MGAT4C: variants seen among roughly 807,000 people sequenced by gnomAD.
MGAT4C encodes alpha-1,3-mannosyl-glycoprotein 4-beta-N-acetylglucosaminyltransferase C.
Under a neutral mutation model 40.1 loss-of-function variants are expected in MGAT4C, and 19 were observed. The ratio of observed to expected loss-of-function variants is 0.47; its 90% CI spans 0.33 to 0.70. The LOEUF (loss-of-function observed/expected upper bound fraction) is 0.70, where lower values mean the gene tolerates loss of function less well. MGAT4C is among the 30% of genes least tolerant of loss of function. MGAT4C has a pLI of 0.02. For synonymous variants in MGAT4C, 181 were observed against 187.1 expected (o/e 0.97, Z 0.27); for missense variants, 491 against 563.2 (o/e 0.87, Z 1.30).
intron 1 of MGAT4C, among the ~76,000 whole-genome samples, chr12:86,063,914 C>A (rs903444194): frequency 6.6e-6 from 1 of 152,146 alleles, no homozygotes; most frequent in African/African-American, 2.4e-5. Flanking sequence ...TTCTTAGAGA[C>A]CTACAAAGAG....
At chr12:86,389,039 T>C (rs1956116760) in intron 3 of MGAT4C, among the ~76,000 whole-genome samples, 1 of 152,100 alleles carries the variant, frequency 6.6e-6, no homozygotes, top group Non-Finnish European at 1.5e-5. Flanking sequence ...AACTTGTAAA[T>C]TTTATTTTAT....
intron 1 of MGAT4C, among the ~76,000 whole-genome samples, chr12:86,237,008 A>G (rs1198275828): frequency 1.3e-5 from 2 of 150,424 alleles, no homozygotes; most frequent in Non-Finnish European, 1.5e-5. Flanking sequence ...ATATGTTAAT[A>G]TTTATATATA....
At chr12:86,395,907 T>C (rs1956252206) in intron 3 of MGAT4C, among the ~76,000 whole-genome samples, 1 of 152,156 alleles carries the variant, frequency 6.6e-6, no homozygotes, top group Non-Finnish European at 1.5e-5. Flanking sequence ...TGCAGAATAA[T>C]AATATGTGGA....
chr12:86,102,109 C>T (rs576509436), intron 1 of MGAT4C, among the ~76,000 whole-genome samples: 36 of 151,782 alleles, frequency 2.4e-4, no homozygotes, highest in Non-Finnish European at 5.2e-4. Context: ...ATTTAACCAT[C>T]GCACTTCATT....
intron 3 of MGAT4C, among the ~76,000 whole-genome samples, chr12:86,376,887 G>A (rs948431518): frequency 7.1e-6 from 1 of 141,768 alleles, no homozygotes; most frequent in African/African-American, 2.6e-5. Context: ...GAGAAAGAGA[G>A]CTGTTGAGAT....
intron 1 of MGAT4C, among the ~76,000 whole-genome samples, chr12:86,817,221 G>A (rs1050359445): frequency 6.6e-6 from 1 of 150,980 alleles, no homozygotes; most frequent in Non-Finnish European, 1.5e-5. Flanking sequence ...TTGTCATTCA[G>A]TTCTACATAT....
chr12:86,109,752 TG>T (rs978380695), intron 1 of MGAT4C, among the ~76,000 whole-genome samples: 10 of 151,888 alleles, frequency 6.6e-5, no homozygotes, highest in African/African-American at 2.4e-4. Flanking sequence ...TTAAAAAAAG[TG>T]GTAGGCAAAA....
intron 1 of MGAT4C, among the ~76,000 whole-genome samples, chr12:86,764,334 C>A (rs1951461959): frequency 6.6e-6 from 1 of 152,116 alleles, no homozygotes; most frequent in Non-Finnish European, 1.5e-5. Flanking sequence ...ATTGCCCAGG[C>A]TTGATTAGGT....
intron 2 of MGAT4C, among the ~76,000 whole-genome samples, chr12:86,478,859 A>T (rs2136310879): frequency 6.6e-6 from 1 of 152,242 alleles, no homozygotes; most frequent in South Asian, 2.1e-4. Flanking sequence ...AAGTAATGTG[A>T]AAAAGAATAA....
chr12:86,026,351 C>T (rs1200890335), intron 2 of MGAT4C, among the ~76,000 whole-genome samples: 3 of 151,828 alleles, frequency 2.0e-5, no homozygotes, highest in East Asian at 1.9e-4. Context: ...CAGACACACA[C>T]ACAAATACTA....
At chr12:86,302,613 G>T (rs906068668) in intron 4 of MGAT4C, among the ~76,000 whole-genome samples, 3 of 150,482 alleles carry the variant, frequency 2.0e-5, no homozygotes, top group Non-Finnish European at 4.4e-5. Context: ...ATTTTTAGTA[G>T]AGACAGGGTT....
chr12:86,331,560 C>T (rs1372557243), intron 4 of MGAT4C, among the ~76,000 whole-genome samples: 1 of 152,116 alleles, frequency 6.6e-6, no homozygotes, highest in Non-Finnish European at 1.5e-5. Flanking sequence ...CTGCTGATCA[C>T]CAGTTTCTGG....
chr12:86,035,986 G>A (rs1176546447), intron 2 of MGAT4C, among the ~76,000 whole-genome samples: 1 of 149,834 alleles, frequency 6.7e-6, no homozygotes, highest in Admixed American at 6.7e-5. Flanking sequence ...TAGCCTTGTA[G>A]TATAGTTTGA....
At chr12:86,050,045 C>T (rs556518004) in intron 1 of MGAT4C, among the ~76,000 whole-genome samples, 39 of 151,892 alleles carry the variant, frequency 2.6e-4, no homozygotes, top group African/African-American at 4.6e-4. Context: ...TTACTATTGA[C>T]GTCTGTTAGT....
chr12:85,982,170 G>T (rs994451462), intron 4 of MGAT4C, among the ~76,000 whole-genome samples: 1 of 151,952 alleles, frequency 6.6e-6, no homozygotes, highest in Admixed American at 6.6e-5. Flanking sequence ...AAGATTCATG[G>T]TTTTTTTGTT....
intron 2 of MGAT4C, among the ~76,000 whole-genome samples, chr12:86,710,716 A>T (rs1950541599): frequency 6.6e-6 from 1 of 152,214 alleles, no homozygotes; most frequent in South Asian, 2.1e-4. Context: ...AAGTCATTAT[A>T]TGAAAAAGAC....
intron 1 of MGAT4C, among the ~76,000 whole-genome samples, chr12:86,823,221 C>CA (rs1170363539): frequency 1.4e-5 from 2 of 140,772 alleles, no homozygotes; most frequent in East Asian, 4.3e-4. Flanking sequence ...GGAACAAGAA[C>CA]AAAAAAGAAC....
At chr12:86,185,641 A>G (rs1888677271) in intron 1 of MGAT4C, among the ~76,000 whole-genome samples, 1 of 152,214 alleles carries the variant, frequency 6.6e-6, no homozygotes, top group Non-Finnish European at 1.5e-5. Context: ...TATATGTGAC[A>G]TCTTTACTTT....
intron 2 of MGAT4C, among the ~76,000 whole-genome samples, chr12:86,590,307 G>T (rs1465954319): frequency 1.3e-5 from 2 of 151,290 alleles, no homozygotes; most frequent in African/African-American, 2.4e-5. Flanking sequence ...TTAGGCATGA[G>T]ACTTAGTTTT....
Sources: gnomAD v4.1 joint callset for allele counts (sites outside exome capture counted in the v4.1 genomes callset) on GRCh38, gnomAD v4.1.1 for gene constraint, MANE v1.5 for transcripts, NCBI Gene and HGNC (gene_info 2026-07-23, HGNC 2026-07-21) for gene names.